Variants in FBXL13 observed in about 807,000 individuals in gnomAD.
The protein encoded by FBXL13 is F-box and leucine rich repeat protein 13, also known as F-box and leucine-rich repeat protein 13.
A neutral mutation model predicts 83.6 loss-of-function variants in FBXL13; 67 were observed. The ratio of observed to expected loss-of-function variants is 0.80; its 90% CI spans 0.66 to 0.98. The LOEUF (loss-of-function observed/expected upper bound fraction) is 0.98, where lower values mean the gene tolerates loss of function less well. Ranked by LOEUF, FBXL13 falls within the 50% of genes least tolerant of loss-of-function variation. The probability of loss-of-function intolerance (pLI) is 0.00; values close to 1 mark genes in which losing one functional copy is unlikely to be tolerated. For synonymous variants in FBXL13, 272 were observed against 299.5 expected (o/e 0.91, Z 0.95); for missense variants, 822 against 866.5 (o/e 0.95, Z 0.64).
chr7:103,037,988 G>C (rs1178732801), intron 2 of FBXL13, among the ~76,000 whole-genome samples: 1 of 152,108 alleles, frequency 6.6e-6, no homozygotes, highest in East Asian at 1.9e-4. Context: ...GCTGAAGCAG[G>C]GTAGGGCATC....
chr7:103,055,261 G>T, intron 2 of FBXL13, 83 bp from the exon 3 acceptor site: 1 of 691,500 alleles, frequency 1.4e-6, no homozygotes, highest in Non-Finnish European at 2.1e-6. Context: ...TCTTGTAGGT[G>T]GAATGAAAGG....
At chr7:102,921,593 T>C (rs1303622051) in intron 10 of FBXL13, among the ~76,000 whole-genome samples, 1 of 151,748 alleles carries the variant, frequency 6.6e-6, no homozygotes, top group Non-Finnish European at 1.5e-5. Flanking sequence ...GGCAGGAAAA[T>C]TGCTTGAACC....
intron 6 of FBXL13, among the ~76,000 whole-genome samples, chr7:103,004,343 G>A (rs927853205): frequency 9.2e-5 from 14 of 152,122 alleles, no homozygotes; most frequent in African/African-American, 1.4e-4. Context: ...ATAGGCTGGC[G>A]GAGGAGGCCC....
rs560105381 is a variant in FBXL13, at chr7:102,939,400, T to C, written c.725-7467A>G. ...CGAGGAAATGGGGGCAAAAAGAGCA[T>C]AATAACGTAAATATTATTAAATTTT... is the stretch of plus-strand genomic sequence containing the variant. On this transcript the variant is annotated intron_variant, in intron 8 of 19. Coordinates refer to ENST00000313221, the Ensembl canonical transcript of FBXL13. 3 of 1,583,494 alleles carry C rather than the reference T, an allele frequency of 1.9e-6. No homozygotes were observed. The South Asian group carries it at 3.4e-5, about 18-fold the overall frequency.
At chr7:102,869,052 C>T (rs549084404) in intron 16 of FBXL13, among the ~76,000 whole-genome samples, 3 of 152,290 alleles carry the variant, frequency 2.0e-5, no homozygotes, top group South Asian at 2.1e-4. Flanking sequence ...TGAGGAACCT[C>T]GCTAATGTTT....
chr7:103,018,665 G>A (rs1332971158), intron 6 of FBXL13, among the ~76,000 whole-genome samples: 2 of 152,058 alleles, frequency 1.3e-5, no homozygotes, highest in Non-Finnish European at 2.9e-5. Flanking sequence ...AAACAAGCAA[G>A]GGTTGCAATC....
At chr7:102,885,833 C>A (rs1810724966) in intron 11 of FBXL13, among the ~76,000 whole-genome samples, 1 of 151,774 alleles carries the variant, frequency 6.6e-6, no homozygotes, top group African/African-American at 2.4e-5. Context: ...ACTTTTTTTT[C>A]ATGTGGATAT....
At chr7:102,827,111 T>A in intron 18 of FBXL13, 1 of 454,026 alleles carries the variant, frequency 2.2e-6, no homozygotes, top group Non-Finnish European at 4.4e-6. Flanking sequence ...AGAAGTCATA[T>A]TCTTCTGAGC....
intron 16 of FBXL13, among the ~76,000 whole-genome samples, chr7:102,872,350 C>T (rs1475306789): frequency 6.6e-6 from 1 of 152,144 alleles, no homozygotes; most frequent in Admixed American, 6.5e-5. Context: ...CCTACTACTT[C>T]CCAGGGTTCT....
chr7:102,888,480 T>C (rs530016030), intron 11 of FBXL13, among the ~76,000 whole-genome samples: 1 of 152,308 alleles, frequency 6.6e-6, no homozygotes, highest in Admixed American at 6.5e-5. Flanking sequence ...TGCAGTGAGC[T>C]GAGATTGCTC....
At chr7:102,834,424 ATG>A (rs1801481002) in intron 17 of FBXL13, among the ~76,000 whole-genome samples, 1 of 143,300 alleles carries the variant, frequency 7.0e-6, no homozygotes, top group African/African-American at 2.6e-5. Context: ...TATTATATAT[ATG>A]TGTGATTATA....
At chr7:102,919,836 T>C (rs1231383869) in intron 10 of FBXL13, among the ~76,000 whole-genome samples, 2 of 152,220 alleles carry the variant, frequency 1.3e-5, no homozygotes, top group Non-Finnish European at 2.9e-5. Context: ...TTTAAAATTA[T>C]ATTTCCAGTT....
chr7:102,860,699 T>C (rs1806686624), intron 16 of FBXL13, among the ~76,000 whole-genome samples: 1 of 149,648 alleles, frequency 6.7e-6, no homozygotes, highest in Admixed American at 6.6e-5. Flanking sequence ...GTGTGTGTGG[T>C]GTGTACTTAC....
chr7:102,894,502 T>C (rs972625254), intron 11 of FBXL13, among the ~76,000 whole-genome samples: 2 of 151,998 alleles, frequency 1.3e-5, no homozygotes, highest in African/African-American at 2.4e-5. Context: ...GGTGGGAGGA[T>C]TGCTTGAGCC....
intron 8 of FBXL13, among the ~76,000 whole-genome samples, chr7:102,954,919 T>G (rs1442748771): frequency 6.6e-6 from 1 of 152,096 alleles, no homozygotes; most frequent in African/African-American, 2.4e-5. Context: ...ACAAAGAGAC[T>G]TAGACTCCCA....
At chr7:102,952,973 G>A (rs1823651008) in intron 8 of FBXL13, among the ~76,000 whole-genome samples, 1 of 152,070 alleles carries the variant, frequency 6.6e-6, no homozygotes, top group Non-Finnish European at 1.5e-5. Flanking sequence ...GACAGAGTGA[G>A]ACTCCATCTC....
chr7:103,069,718 C>A (rs921018618), intron 1 of FBXL13, among the ~76,000 whole-genome samples: 9 of 152,154 alleles, frequency 5.9e-5, no homozygotes, highest in Non-Finnish European at 1.2e-4. Flanking sequence ...CCTTTGCTGG[C>A]GAAAGAGTAT....
rs372873836 is a variant in FBXL13 at position 103,030,763 on chromosome 7, G to A, written c.1-1345C>T. 6.3e-3 allele frequency among the ~76,000 whole-genome samples: 953 copies of A among 152,100 alleles called. 3 individuals carry two copies. The highest frequency in any genetic ancestry group is 9.2e-3 in the Non-Finnish European group (626 of 67,978). ...TTGAACTCAAGTTTTCTTTTCTGAT[G>A]ATCAACTCTTTAAAACAGCATAAAA... On this transcript the variant is annotated intron_variant, in intron 2 of 19. Transcript: ENST00000313221.
chr7:102,993,415 A>G (rs1277873918), intron 6 of FBXL13, among the ~76,000 whole-genome samples: 1 of 152,244 alleles, frequency 6.6e-6, no homozygotes, highest in East Asian at 1.9e-4. Context: ...TCCACATGAC[A>G]TATATCTTTT....
Sources: gnomAD v4.1 joint callset for allele counts (sites outside exome capture counted in the v4.1 genomes callset) on GRCh38, gnomAD v4.1.1 for gene constraint, MANE v1.5 for transcripts, NCBI Gene and HGNC (gene_info 2026-07-23, HGNC 2026-07-21) for gene names.